LY96: variants seen among roughly 807,000 people sequenced by gnomAD.
LY96 encodes lymphocyte antigen 96.
In LY96, 18 loss-of-function variants were observed where a neutral mutation model predicts 18.9. The observed-to-expected ratio is 0.95, with a 90% CI of 0.66 to 1.41. LY96 has a LOEUF of 1.41. Ranked by LOEUF, LY96 falls within the 40% of genes most tolerant of loss-of-function variation. The probability of loss-of-function intolerance (pLI) is 0.00; values close to 1 mark genes in which losing one functional copy is unlikely to be tolerated. For missense variants in LY96, 175 were observed against 182.4 expected, an observed-to-expected ratio of 0.96 and a Z score of 0.23; for synonymous variants, 66 against 62.6, an observed-to-expected ratio of 1.06 and a Z score of -0.26.
chr8:74,024,958 A>G (rs1197389326), intron 3 of LY96, among the ~76,000 whole-genome samples: 2 of 152,088 alleles, frequency 1.3e-5, no homozygotes, highest in African/African-American at 2.4e-5. Context: ...CTCTCGAGTA[A>G]CTGGGATTAT....
the LY96 span, among the ~76,000 whole-genome samples, chr8:74,042,206 C>G: frequency 6.6e-6 from 1 of 152,132 alleles, no homozygotes; most frequent in Admixed American, 6.5e-5. Context: ...TACTGTGTAC[C>G]TTTCTAGTCA....
intron 1 of LY96, among the ~76,000 whole-genome samples, chr8:73,992,875 T>TGTGTGTGTGA (rs1554600467): frequency 1.1e-4 from 17 of 150,688 alleles, no homozygotes; most frequent in East Asian, 1.9e-4. Flanking sequence ...TGTGTGTGTG[T>TGTGTGTGTGA]GACAGAGTTT....
chr8:74,019,088 C>T (rs201835585), intron 3 of LY96, among the ~76,000 whole-genome samples: 14 of 151,636 alleles, frequency 9.2e-5, no homozygotes, highest in Non-Finnish European at 1.6e-4. Flanking sequence ...CAGAACTGAA[C>T]GAGATAGAGA....
chr8:74,085,095 T>C, the LY96 span, among the ~76,000 whole-genome samples: 1 of 152,250 alleles, frequency 6.6e-6, no homozygotes, highest in African/African-American at 2.4e-5. Flanking sequence ...GAATAACATT[T>C]GTATGCAGCT....
chr8:74,072,987 T>C, the LY96 span, among the ~76,000 whole-genome samples: 1 of 152,218 alleles, frequency 6.6e-6, no homozygotes. Context: ...GTAAGGCTGT[T>C]ATCCCTGTGT....
chr8:74,050,456 A>G, the LY96 span, among the ~76,000 whole-genome samples: 1 of 152,096 alleles, frequency 6.6e-6, no homozygotes, highest in Admixed American at 6.5e-5. Context: ...CCACTCCACC[A>G]TCCGTCACCA....
the LY96 span, chr8:74,055,847 C>A: frequency 6.6e-6 from 1 of 152,264 alleles, no homozygotes. Flanking sequence ...TGGCCATCTG[C>A]AAGGACTGGC....
intron 3 of LY96, among the ~76,000 whole-genome samples, chr8:74,025,791 T>C (rs1261019819): frequency 6.6e-6 from 1 of 152,170 alleles, no homozygotes; most frequent in Non-Finnish European, 1.5e-5. Flanking sequence ...GCAGATCGCC[T>C]GAAGTTGGGA....
At chr8:74,005,396 G>A (rs1029673994) in intron 2 of LY96, among the ~76,000 whole-genome samples, 11 of 152,200 alleles carry the variant, frequency 7.2e-5, no homozygotes, top group African/African-American at 2.4e-4. Context: ...TTGGTTAGAA[G>A]CAAGTCACTA....
the LY96 span, among the ~76,000 whole-genome samples, chr8:74,057,576 C>T: frequency 5.3e-5 from 8 of 152,288 alleles, no homozygotes; most frequent in East Asian, 1.5e-3. Flanking sequence ...ATGTAGGTGA[C>T]TCACATTTCT....
the LY96 span, among the ~76,000 whole-genome samples, chr8:74,043,621 A>G: frequency 3.3e-5 from 5 of 152,196 alleles, no homozygotes; most frequent in Non-Finnish European, 7.3e-5. Context: ...CAGTTGGCAT[A>G]TCTACTTATT....
the LY96 span, among the ~76,000 whole-genome samples, chr8:74,043,482 C>T: frequency 6.6e-6 from 1 of 152,142 alleles, no homozygotes; most frequent in South Asian, 2.1e-4. Flanking sequence ...GACCATGCAG[C>T]AGTGGTGGGG....
the LY96 span, among the ~76,000 whole-genome samples, chr8:74,068,816 T>C: frequency 6.6e-6 from 1 of 152,246 alleles, no homozygotes. Flanking sequence ...TAATTCTTTT[T>C]GAGACAGTCT....
chr8:73,995,387 C>T (rs75724780), intron 1 of LY96, among the ~76,000 whole-genome samples: 2 of 152,300 alleles, frequency 1.3e-5, no homozygotes, highest in East Asian at 1.9e-4. Context: ...ACATCCCTGG[C>T]GTTTCTTTGT....
chr8:74,034,748 G>T, the LY96 span, among the ~76,000 whole-genome samples: 1 of 152,104 alleles, frequency 6.6e-6, no homozygotes, highest in Non-Finnish European at 1.5e-5. Flanking sequence ...AAAATGCCCC[G>T]CTGCTAAGAC....
At chr8:73,999,052 C>T (rs1183154689) in intron 1 of LY96, among the ~76,000 whole-genome samples, 1 of 151,714 alleles carries the variant, frequency 6.6e-6, no homozygotes, top group East Asian at 1.9e-4. Flanking sequence ...CTCACTGTAG[C>T]CTCCACCTCC....
At chr8:74,080,143 GT>G in the LY96 span, among the ~76,000 whole-genome samples, 1 of 152,174 alleles carries the variant, frequency 6.6e-6, no homozygotes, top group African/African-American at 2.4e-5. Flanking sequence ...ACCCCTTTAT[GT>G]GAAAACAAGA....
the LY96 span, among the ~76,000 whole-genome samples, chr8:74,081,060 CTT>C: frequency 0.011 from 1,273 of 116,702 alleles, 29 homozygotes; most frequent in African/African-American, 0.029. Flanking sequence ...TTCTTTCTTT[CTT>C]TCTTACTTTC....
At chr8:73,999,531 G>T (rs1029878510) in intron 1 of LY96, among the ~76,000 whole-genome samples, 3 of 151,850 alleles carry the variant, frequency 2.0e-5, no homozygotes, top group African/African-American at 7.3e-5. Flanking sequence ...AAGTGCTGGG[G>T]TTACAGGTGT....
Sources: allele counts gnomAD v4.1 joint callset (sites outside exome capture counted in the v4.1 genomes callset), GRCh38; gene constraint gnomAD v4.1.1; transcripts MANE v1.5; gene names NCBI Gene and HGNC (gene_info 2026-07-23, HGNC 2026-07-21).